The following DSCAML1 variants were observed in gnomAD, a reference collection of about 807,000 sequenced individuals.
DSCAML1 encodes cell adhesion molecule DSCAML1.
DSCAML1 carries 38 observed loss-of-function variants against 200.5 expected under a neutral mutation model. That is an observed-to-expected ratio of 0.19 (90% CI 0.15 to 0.25). The LOEUF is 0.25. Among genes scored for constraint, DSCAML1 ranks in the 10% least tolerant of loss-of-function variants. The pLI is 1.00. For missense variants in DSCAML1, 2,223 were observed against 2,858.8 expected, an observed-to-expected ratio of 0.78 and a Z score of 5.07; for synonymous variants, 1,215 against 1,165.0, an observed-to-expected ratio of 1.04 and a Z score of -0.87.
chr11:117,723,763 C>T (rs2054077140), intron 3 of DSCAML1, among the ~76,000 whole-genome samples: 1 of 152,158 alleles, frequency 6.6e-6, no homozygotes, highest in African/African-American at 2.4e-5. Flanking sequence ...TGTGCAGTTC[C>T]CCAGAGAGAT....
At chr11:117,659,803 C>T (rs934429177) in intron 3 of DSCAML1, among the ~76,000 whole-genome samples, 1 of 152,106 alleles carries the variant, frequency 6.6e-6, no homozygotes, top group East Asian at 1.9e-4. Context: ...ACTGCAACCT[C>T]CATCTCCTGG....
At chr11:117,776,352 A>G (rs2055128918) in intron 3 of DSCAML1, among the ~76,000 whole-genome samples, 1 of 152,090 alleles carries the variant, frequency 6.6e-6, no homozygotes, top group African/African-American at 2.4e-5. Context: ...AGGTCCTCCA[A>G]GGAGGCAGTG....
chr11:117,755,134 A>G (rs576134771), intron 3 of DSCAML1, among the ~76,000 whole-genome samples: 1 of 152,140 alleles, frequency 6.6e-6, no homozygotes, highest in Non-Finnish European at 1.5e-5. Flanking sequence ...ACACCTTTCA[A>G]TGATGTCTAT....
chr11:117,676,788 G>A (rs1396783441), intron 3 of DSCAML1, among the ~76,000 whole-genome samples: 2 of 152,234 alleles, frequency 1.3e-5, no homozygotes, highest in African/African-American at 4.8e-5. Flanking sequence ...TGGGAGCTGC[G>A]GGCTCCCAGA....
intron 3 of DSCAML1, among the ~76,000 whole-genome samples, chr11:117,712,380 A>G (rs2053865273): frequency 6.6e-6 from 1 of 152,164 alleles, no homozygotes; most frequent in Admixed American, 6.5e-5. Flanking sequence ...TGGGGCTGTA[A>G]GCAAAAGCAA....
intron 18 of DSCAML1, among the ~76,000 whole-genome samples, chr11:117,460,108 A>G (rs2048449525): frequency 6.6e-6 from 1 of 152,232 alleles, no homozygotes; most frequent in Admixed American, 6.5e-5. Context: ...CTTAGGGGCT[A>G]AGCTGGAGAA....
intron 3 of DSCAML1, among the ~76,000 whole-genome samples, chr11:117,620,495 T>C (rs2051906544): frequency 6.6e-6 from 1 of 152,204 alleles, no homozygotes. Context: ...ACACTGTGAC[T>C]GAAATTAACT....
At chr11:117,648,329 T>G (rs1391232202) in intron 3 of DSCAML1, among the ~76,000 whole-genome samples, 1 of 152,142 alleles carries the variant, frequency 6.6e-6, no homozygotes, top group Non-Finnish European at 1.5e-5. Context: ...CGGCTCAAGG[T>G]TGAGTTGTAA....
In DSCAML1 at chr11:117,463,416, AC is replaced by A. The variant is rs1021698294; in HGVS notation, c.3265+1525del. Among the ~76,000 whole-genome samples, 2 of 148,240 alleles carry A rather than the reference AC, an allele frequency of 1.3e-5. No homozygotes were observed. Among genetic ancestry groups the A allele is most frequent in the Non-Finnish European group, 3.0e-5 (2 of 67,392 alleles). On this transcript the variant is annotated intron_variant, in intron 17 of 32. Coordinates refer to ENST00000651296, the MANE Select transcript of DSCAML1 (RefSeq NM_020693.4). The surrounding 1 kb of genome is among the most constrained non-coding windows in gnomAD (Gnocchi z 4.0). ...TCTTGCTGTATTGTCCATGCTGGACACCCGGATTAGAAATGAACATTCTTGG... is the reference window on the plus strand; with the variant it reads ...TCTTGCTGTATTGTCCATGCTGGACACCGGATTAGAAATGAACATTCTTGG...
chr11:117,590,031 T>C (rs972050111), intron 3 of DSCAML1, among the ~76,000 whole-genome samples: 37 of 152,308 alleles, frequency 2.4e-4, no homozygotes, highest in Non-Finnish European at 4.0e-4. Flanking sequence ...TTTTGCCTTA[T>C]CCAAATACTA....
At chr11:117,442,535 A>G (rs1398153228) in intron 21 of DSCAML1, among the ~76,000 whole-genome samples, 3 of 151,834 alleles carry the variant, frequency 2.0e-5, no homozygotes, top group African/African-American at 7.3e-5. Flanking sequence ...TGTATGGGGG[A>G]AGGGGGCAGG....
chr11:117,541,162 C>G (rs1362267864), intron 3 of DSCAML1, among the ~76,000 whole-genome samples: 1 of 152,202 alleles, frequency 6.6e-6, no homozygotes, highest in Non-Finnish European at 1.5e-5. Flanking sequence ...TCCTTTTGGC[C>G]TGAAATGCTT....
At chr11:117,587,844 G>A (rs1462022587) in intron 3 of DSCAML1, among the ~76,000 whole-genome samples, 1 of 152,134 alleles carries the variant, frequency 6.6e-6, no homozygotes, top group Admixed American at 6.5e-5. Context: ...CCCTCCCAGG[G>A]GTGTGGGGAG....
At chr11:117,567,886 A>T (rs1341484080) in intron 3 of DSCAML1, among the ~76,000 whole-genome samples, 1 of 152,160 alleles carries the variant, frequency 6.6e-6, no homozygotes, top group Admixed American at 6.5e-5. Flanking sequence ...GGCCAGCATC[A>T]TCCTGATACC....
At chr11:117,692,810 C>G (rs373816006) in intron 3 of DSCAML1, among the ~76,000 whole-genome samples, 1 of 152,160 alleles carries the variant, frequency 6.6e-6, no homozygotes, top group East Asian at 1.9e-4. Flanking sequence ...TGAAATGACT[C>G]CCCTGCATGG....
chr11:117,683,128 G>T (rs894982386), intron 3 of DSCAML1, among the ~76,000 whole-genome samples: 1 of 152,088 alleles, frequency 6.6e-6, no homozygotes, highest in Non-Finnish European at 1.5e-5. Context: ...TTATTTATTT[G>T]TTTGACTAAT....
At chr11:117,795,902 G>A (rs574099417) in intron 1 of DSCAML1, among the ~76,000 whole-genome samples, 2 of 152,296 alleles carry the variant, frequency 1.3e-5, no homozygotes, top group South Asian at 2.1e-4. Flanking sequence ...AACAGCCAGG[G>A]CAAAGGGAGA....
At chr11:117,433,551 A>C (rs974721083) in intron 27 of DSCAML1, 80 bp from the exon 28 acceptor site, 6 of 1,502,308 alleles carry the variant, frequency 4.0e-6, no homozygotes, top group East Asian at 4.6e-5. Context: ...CATGGGAAAC[A>C]AGGTGGAGAA....
chr11:117,454,185 T>A lies in DSCAML1; in HGVS notation c.3569-3497A>T, dbSNP rs1290581499. Among the ~76,000 whole-genome samples the A allele has an allele frequency of 2.0e-5, 3 of 152,312 alleles. No homozygotes were observed. In the South Asian group the frequency reaches 6.2e-4, roughly 32 times the overall value. On this transcript the variant is annotated intron_variant, in intron 19 of 32. Coordinates refer to ENST00000651296, the MANE Select transcript of DSCAML1 (RefSeq NM_020693.4). ...TATGTCCTTGATACTTGGAATGTGG[T>A]CTGTGGATCATTACCAGCATCACCC...
Sources: allele counts gnomAD v4.1 joint callset (sites outside exome capture counted in the v4.1 genomes callset), GRCh38; gene constraint gnomAD v4.1.1; non-coding constraint Gnocchi (gnomAD v3.1); transcripts MANE v1.5; gene names NCBI Gene and HGNC (gene_info 2026-07-23, HGNC 2026-07-21).